PTPN12: variants seen among roughly 807,000 people sequenced by gnomAD.
PTPN12 encodes the protein protein tyrosine phosphatase non-receptor type 12, also known as tyrosine-protein phosphatase non-receptor type 12.
A neutral mutation model predicts 97.6 loss-of-function variants in PTPN12; 29 were observed. The observed-to-expected ratio is 0.30, with a 90% confidence interval of 0.22 to 0.41. The LOEUF (loss-of-function observed/expected upper bound fraction) is 0.41. PTPN12 is among the 10% of genes least tolerant of loss of function. The probability of loss-of-function intolerance (pLI) is 1.00; values close to 1 mark genes in which losing one functional copy is unlikely to be tolerated. For missense variants in PTPN12, 819 were observed against 926.0 expected, an observed-to-expected ratio of 0.88 and a Z score of 1.50; for synonymous variants, 327 against 300.4, an observed-to-expected ratio of 1.09 and a Z score of -0.91.
chr7:77,537,978 C>CGGT, intron 1 of PTPN12: 1 of 767,426 alleles, frequency 1.3e-6, no homozygotes, highest in Non-Finnish European at 1.6e-6. Flanking sequence ...AGGTGCAGGC[C>CGGT]GGGGGGGGGG....
At chr7:77,600,921 T>C (rs754894284) in intron 8 of PTPN12, 115 bp downstream of exon 8, 12 of 918,992 alleles carry the variant, frequency 1.3e-5, no homozygotes, top group Non-Finnish European at 1.9e-5. Flanking sequence ...CTTGATACAA[T>C]GTTTGGGACT....
At chr7:77,628,694 C>T (rs1271096748) in intron 13 of PTPN12, among the ~76,000 whole-genome samples, 1 of 151,720 alleles carries the variant, frequency 6.6e-6, no homozygotes, top group Non-Finnish European at 1.5e-5. Context: ...CCCACTACCA[C>T]ACCCAGCTAA....
At chr7:77,572,893 A>G (rs543202494) in intron 2 of PTPN12, among the ~76,000 whole-genome samples, 11 of 151,820 alleles carry the variant, frequency 7.2e-5, no homozygotes, top group African/African-American at 1.2e-4. Flanking sequence ...GACCAGCCTG[A>G]CCAACATGGT....
intron 5 of PTPN12, among the ~76,000 whole-genome samples, chr7:77,590,093 T>C (rs1395233745): frequency 2.0e-5 from 3 of 152,192 alleles, no homozygotes; most frequent in African/African-American, 7.2e-5. Context: ...TTTACAAGCA[T>C]TTTGACCATG....
intron 6 of PTPN12, among the ~76,000 whole-genome samples, chr7:77,597,355 T>G (rs1436323564): frequency 6.6e-6 from 1 of 152,172 alleles, no homozygotes; most frequent in Non-Finnish European, 1.5e-5. Context: ...ACTCCTGACC[T>G]CAAGTGATCC....
intron 12 of PTPN12, among the ~76,000 whole-genome samples, chr7:77,625,253 GT>G (rs141984662): frequency 0.024 from 3,400 of 139,284 alleles, 55 homozygotes; most frequent in Non-Finnish European, 0.035. Context: ...TTCTTCTTTG[GT>G]TTTTTTTTTT....
intron 8 of PTPN12, among the ~76,000 whole-genome samples, chr7:77,606,714 T>G (rs1788384433): frequency 6.6e-6 from 1 of 152,254 alleles, no homozygotes; most frequent in Admixed American, 6.5e-5. Flanking sequence ...TGCACCATTC[T>G]GAGAAGCATG....
rs1341145013 is a variant in PTPN12, at chr7:77,571,170, C to T, written c.192C>T (p.Tyr64=). Residue 64 remains tyrosine (Y), a synonymous_variant, in exon 2 of 18, where the codon TAC becomes TAT. Transcript: ENST00000248594. ...EKEENVKKNR[Y]KDILPFDHSR... is the part of the protein sequence containing the mutation. ...AAGAAAATGTTAAAAAGAACAGATA[C>T]AAGGACATACTGCCATGTAAGTTGG... The T allele has an allele frequency of 6.3e-7, 1 of 1,592,804 alleles. No homozygotes were observed. The highest frequency in any genetic ancestry group is 8.6e-7 in the Non-Finnish European group (1 of 1,166,024).
rs1188949235 is a variant in PTPN12 at position 77,573,105 on chromosome 7, C to CAAAAAA, written c.208+1922_208+1927dup. On this transcript the variant is annotated intron_variant, in intron 2 of 17. Coordinates refer to ENST00000248594, the MANE Select transcript of PTPN12 (RefSeq NM_002835.4). ...CTCAAAAAAAAAAAAAACAAAAAAA[C>CAAAAAA]AAAAAAAACCAGTGTACCTAGCACA... 6.1e-4 allele frequency among the ~76,000 whole-genome samples: 29 copies of CAAAAAA among 47,850 alleles called. 6 individuals carry two copies. The highest frequency in any genetic ancestry group is 2.3e-3 in the African/African-American group (19 of 8,154). 31.4% of individuals were successfully genotyped at this position (47,850 alleles called of 152,430 possible).
At chr7:77,631,785 ATATCTT>A (rs1194318452) in intron 13 of PTPN12, among the ~76,000 whole-genome samples, 2 of 152,230 alleles carry the variant, frequency 1.3e-5, no homozygotes, top group Non-Finnish European at 1.5e-5. Flanking sequence ...TTTAATAGCT[ATATCTT>A]TATCTGTTTT....
chr7:77,629,403 A>G (rs1458861169), intron 13 of PTPN12, among the ~76,000 whole-genome samples: 2 of 152,180 alleles, frequency 1.3e-5, no homozygotes, highest in African/African-American at 4.8e-5. Context: ...TTTGTTCCTC[A>G]GCTTCAGAAT....
chr7:77,632,483 AC>A (rs1789432634), intron 14 of PTPN12, 58 bp downstream of exon 14: 2 of 1,302,208 alleles, frequency 1.5e-6, no homozygotes, highest in Non-Finnish European at 2.2e-6. Flanking sequence ...ACTCCGAAAA[AC>A]ATACCTGATT....
intron 9 of PTPN12, 91 bp from the exon 10 acceptor site, chr7:77,610,674 A>ATTTATT: frequency 7.9e-7 from 1 of 1,273,506 alleles, no homozygotes; most frequent in Non-Finnish European, 1.1e-6. Flanking sequence ...GTAAACCAGC[A>ATTTATT]GGTATTTAAG....
intron 13 of PTPN12, among the ~76,000 whole-genome samples, chr7:77,630,434 G>A (rs1789359058): frequency 6.6e-6 from 1 of 152,052 alleles, no homozygotes; most frequent in Non-Finnish European, 1.5e-5. Context: ...AAACCTAGAT[G>A]GTATAGTATA....
chr7:77,626,808 G>C lies in PTPN12; in HGVS notation c.1129G>C (p.Val377Leu). 1 of 1,614,066 alleles carries C rather than the reference G, an allele frequency of 6.2e-7. No homozygotes were observed. Among genetic ancestry groups the C allele is most frequent in the Non-Finnish European group, 8.5e-7 (1 of 1,179,980 alleles). The change falls in exon 13 of 18, where the codon GTC (valine) becomes CTC (leucine). Residue 377 changes from valine to leucine, a missense_variant. Val to Leu is a conservative substitution (Grantham distance 32). Around this residue, in one of 5 missense-constraint regions of PTPN12, gnomAD observed 607 missense variants for 577.3 expected, o/e 1.05. Transcript: ENST00000248594. ...TTCTCCCCCTTCAGCTTTTCCAACAGTCACTACTGTGTGGCAGGACAATGA... is the reference window on the plus strand; with the variant it reads ...TTCTCCCCCTTCAGCTTTTCCAACACTCACTACTGTGTGGCAGGACAATGA... ...TPSPPSAFPT[V>L]TTVWQDNDRY...
chr7:77,559,435 A>G (rs1807894882), intron 1 of PTPN12, among the ~76,000 whole-genome samples: 1 of 152,084 alleles, frequency 6.6e-6, no homozygotes, highest in Non-Finnish European at 1.5e-5. Context: ...TATTGTGCAC[A>G]TTTTCCCTTG....
chr7:77,629,483 T>A (rs1261978364), intron 13 of PTPN12, among the ~76,000 whole-genome samples: 1 of 152,150 alleles, frequency 6.6e-6, no homozygotes, highest in Non-Finnish European at 1.5e-5. Flanking sequence ...TTTTGAGTTT[T>A]TAGTATATCA....
At chr7:77,565,404 G>A (rs997697546) in intron 1 of PTPN12, among the ~76,000 whole-genome samples, 2 of 152,172 alleles carry the variant, frequency 1.3e-5, no homozygotes, top group Admixed American at 6.6e-5. Flanking sequence ...CGAGATAAAG[G>A]AACAAATCAA....
At chr7:77,602,786 C>A (rs1010729243) in intron 8 of PTPN12, among the ~76,000 whole-genome samples, 2 of 152,088 alleles carry the variant, frequency 1.3e-5, no homozygotes, top group African/African-American at 4.8e-5. Context: ...ACATTAGATT[C>A]TTCTAAAGGC....
Sources: allele counts gnomAD v4.1 joint callset (sites outside exome capture counted in the v4.1 genomes callset), GRCh38; gene constraint gnomAD v4.1.1; regional missense constraint gnomAD v4.1.1; transcripts MANE v1.5; gene names NCBI Gene and HGNC (gene_info 2026-07-23, HGNC 2026-07-21).